UGGT1: variants seen among roughly 807,000 people sequenced by gnomAD.
UGGT1 encodes UDP-glucose glycoprotein glucosyltransferase 1.
UGGT1 carries 107 observed loss-of-function variants against 203.9 expected under a neutral mutation model. That is an observed-to-expected ratio of 0.52 (90% CI 0.45 to 0.62). The LOEUF is 0.62. UGGT1 is among the 20% of genes least tolerant of loss of function. The probability of loss-of-function intolerance (pLI) is 0.00; values close to 1 mark genes in which losing one functional copy is unlikely to be tolerated. For missense variants in UGGT1, 1,673 were observed against 1,867.2 expected, an observed-to-expected ratio of 0.90 and a Z score of 1.92; for synonymous variants, 628 against 653.5, an observed-to-expected ratio of 0.96 and a Z score of 0.59.
intron 8 of UGGT1, among the ~76,000 whole-genome samples, chr2:128,117,165 C>A (rs1331043762): frequency 6.6e-6 from 1 of 152,104 alleles, no homozygotes; most frequent in Non-Finnish European, 1.5e-5. Flanking sequence ...TCTCAGTTCA[C>A]TGCAACCTCC....
intron 28 of UGGT1, among the ~76,000 whole-genome samples, chr2:128,172,303 G>C (rs1171227831): frequency 6.6e-6 from 1 of 152,128 alleles, no homozygotes; most frequent in Non-Finnish European, 1.5e-5. Flanking sequence ...TAGAGTACCT[G>C]TTACTAGAAG....
chr2:128,135,053 G>A (rs1689072053), intron 15 of UGGT1, 92 bp downstream of exon 15: 1 of 1,106,132 alleles, frequency 9.0e-7, no homozygotes, highest in South Asian at 1.3e-5. Flanking sequence ...TGAGTTGTAG[G>A]ATAATTAATA....
intron 11 of UGGT1, among the ~76,000 whole-genome samples, chr2:128,123,710 T>C (rs564407896): frequency 4.1e-4 from 62 of 152,326 alleles, no homozygotes; most frequent in Admixed American, 1.4e-3. Flanking sequence ...ATATTGGATG[T>C]TGTGGTTTTA....
At chr2:128,144,151 A>G (rs1323440933) in intron 17 of UGGT1, among the ~76,000 whole-genome samples, 1 of 152,234 alleles carries the variant, frequency 6.6e-6, no homozygotes, top group Non-Finnish European at 1.5e-5. Flanking sequence ...CAAACACTTT[A>G]CCTTTAGCAT....
At position 128,189,856 on chromosome 2, in the gene UGGT1, A is replaced by G; in HGVS notation, c.*114A>G. The G allele has an allele frequency of 8.5e-7, 1 of 1,175,842 alleles. No homozygotes were observed. Among genetic ancestry groups the G allele is most frequent in the Non-Finnish European group, 1.2e-6 (1 of 814,332 alleles). The allele number at this position is 1,175,842 out of a possible 1,614,324, so 72.8% of individuals were successfully genotyped here. A position where few individuals can be genotyped will look rare whatever the true frequency, so the allele number is the denominator to read the frequency against. ...GATAAGCCGGCTGGGCAGGAGTGCC[A>G]CACCTTTTGATTCTGAGCATTTGAT... On this transcript the variant is annotated 3_prime_UTR_variant, in exon 41 of 41. Transcript: ENST00000259253.
intron 2 of UGGT1, among the ~76,000 whole-genome samples, chr2:128,099,437 C>G (rs1310074936): frequency 6.6e-6 from 1 of 152,194 alleles, no homozygotes; most frequent in Non-Finnish European, 1.5e-5. Flanking sequence ...AGCCACCATG[C>G]CTGGCCTCTA....
At chr2:128,108,696 C>T (rs187810815) in intron 4 of UGGT1, among the ~76,000 whole-genome samples, 1 of 151,828 alleles carries the variant, frequency 6.6e-6, no homozygotes, top group East Asian at 1.9e-4. Context: ...TAGTAATGGA[C>T]TATTATAATG....
At chr2:128,126,086 C>T (rs1214216241) in intron 11 of UGGT1, among the ~76,000 whole-genome samples, 19 of 151,170 alleles carry the variant, frequency 1.3e-4, no homozygotes, top group Non-Finnish European at 1.6e-4. Context: ...GGACTACAGG[C>T]GCGTGCCACC....
intron 18 of UGGT1, 27 bp from the exon 19 acceptor site, chr2:128,152,757 C>A (rs201372680): frequency 5.1e-6 from 8 of 1,583,514 alleles, no homozygotes; most frequent in South Asian, 2.3e-5. Context: ...TACCCTCCCC[C>A]CTCAACCTCC....
At chr2:128,179,213 CT>C (rs1409156842) in intron 34 of UGGT1, among the ~76,000 whole-genome samples, 8 of 152,142 alleles carry the variant, frequency 5.3e-5, no homozygotes, top group African/African-American at 1.9e-4. Flanking sequence ...ATTTTTAGCC[CT>C]CTTATTTCCA....
At chr2:128,152,997 T>G in intron 19 of UGGT1, 93 bp downstream of exon 19, 1 of 1,572,890 alleles carries the variant, frequency 6.4e-7, no homozygotes, top group Non-Finnish European at 8.6e-7. Flanking sequence ...GATTATCTTC[T>G]GCAGTGTTCA....
chr2:128,125,281 TA>T (rs1688553865), intron 11 of UGGT1, among the ~76,000 whole-genome samples: 1 of 151,690 alleles, frequency 6.6e-6, no homozygotes, highest in East Asian at 1.9e-4. Context: ...TTTGCTGGAG[TA>T]GGGGGTAGCA....
At chr2:128,178,029 C>A in intron 33 of UGGT1, 109 bp downstream of exon 33, 1 of 881,334 alleles carries the variant, frequency 1.1e-6, no homozygotes, top group Non-Finnish European at 1.7e-6. Context: ...TCACATTCTA[C>A]TTTGTGCAGC....
At chr2:128,120,521 C>G in intron 9 of UGGT1, 65 bp downstream of exon 9, 1 of 1,309,046 alleles carries the variant, frequency 7.6e-7, no homozygotes, top group Non-Finnish European at 1.1e-6. Context: ...TTAAAAAATG[C>G]AAAATTTGAA....
rs1024152210 is a variant in UGGT1, at chr2:128,091,254, C to T, written c.-104C>T. 4.0e-6 allele frequency: 5 copies of T among 1,236,126 alleles called. No individual in the cohort carries two copies. Among genetic ancestry groups the T allele is most frequent in the Non-Finnish European group, 5.4e-6 (5 of 920,892 alleles). 76.6% of individuals were successfully genotyped at this position (1,236,126 alleles called of 1,614,324 possible). On this transcript the variant is annotated 5_prime_UTR_variant, in exon 1 of 41. Transcript: ENST00000259253. ...GTTGAGTCGAGCCGCGGGAAAGGCG[C>T]GTGTCGGCCTCTCACTGGCGCAGCC...
chr2:128,126,510 G>A (rs1688607901), intron 11 of UGGT1, among the ~76,000 whole-genome samples: 1 of 152,018 alleles, frequency 6.6e-6, no homozygotes, highest in Admixed American at 6.6e-5. Flanking sequence ...TCAAAGTGCT[G>A]GGATTACAGG....
intron 22 of UGGT1, among the ~76,000 whole-genome samples, chr2:128,158,768 C>G (rs377308818): frequency 5.9e-4 from 90 of 152,254 alleles, no homozygotes; most frequent in African/African-American, 2.1e-3. Flanking sequence ...TATTCTTCCA[C>G]TTGGATTCTT....
At chr2:128,153,081 A>C (rs968752605) in intron 19 of UGGT1, among the ~76,000 whole-genome samples, 177 bp downstream of exon 19, 3 of 150,010 alleles carry the variant, frequency 2.0e-5, no homozygotes, top group Non-Finnish European at 4.4e-5. Context: ...ATGAGATTCT[A>C]AATTCACAAG....
In UGGT1 at chr2:128,157,263, A is replaced by G; in HGVS notation, c.2272A>G (p.Ile758Val). ...TTGTTTTTCTACAGATGATTCTTTT[A>G]TTAGGCCAGTAACTTTTTGGATTGT... ...SSKEIYDDSF[I>V]RPVTFWIVGD... Residue 758 changes from isoleucine to valine, a missense_variant, in exon 22 of 41, where the codon ATT becomes GTT. Physicochemically the swap from Ile to Val is conservative, Grantham distance 29 (BLOSUM62 3). Around this residue, in one of 4 missense-constraint regions of UGGT1, gnomAD observed 1,073 missense variants for 1,078.7 expected, o/e 0.99. Coordinates refer to ENST00000259253, the MANE Select transcript of UGGT1 (RefSeq NM_020120.4). 6.2e-7 allele frequency: 1 copy of G among 1,613,848 alleles called. No individual in the cohort carries two copies. Among genetic ancestry groups the G allele is most frequent in the Non-Finnish European group, 8.5e-7 (1 of 1,179,824 alleles).
Sources: allele counts gnomAD v4.1 joint callset (sites outside exome capture counted in the v4.1 genomes callset), GRCh38; gene constraint gnomAD v4.1.1; regional missense constraint gnomAD v4.1.1; transcripts MANE v1.5; gene names NCBI Gene and HGNC (gene_info 2026-07-23, HGNC 2026-07-21).